KRT16: variants seen among roughly 807,000 people sequenced by gnomAD.
KRT16 encodes the protein keratin, type I cytoskeletal 16.
Under a neutral mutation model 44.8 loss-of-function variants are expected in KRT16, and 42 were observed. The observed-to-expected ratio is 0.94, with a 90% CI of 0.73 to 1.21. KRT16 has a LOEUF of 1.21. Ranked by LOEUF, KRT16 falls within the 50% of genes most tolerant of loss-of-function variation. The probability of loss-of-function intolerance (pLI) is 0.00; values close to 1 mark genes in which losing one functional copy is unlikely to be tolerated. For synonymous variants in KRT16, 226 were observed against 260.4 expected, an observed-to-expected ratio of 0.87 and a Z score of 1.27; for missense variants, 561 against 626.9, an observed-to-expected ratio of 0.89 and a Z score of 1.12.
Position 41,612,563 on chromosome 17 carries a change from G to A in KRT16, c.126C>T (p.Ala42=). Residue 42 remains alanine, a synonymous_variant, in exon 1 of 8, where the codon GCC becomes GCT. Coordinates refer to ENST00000301653, the MANE Select transcript of KRT16 (RefSeq NM_005557.4). ...SSVLAGGSCR[A]PSTYGGGLSV... Reference sequence around the variant, plus strand: ...ACAGGCCGCCCCCGTAGGTGCTGGGGGCACGGCAGGACCCTCCGGCCAGGA... The same window carrying A: ...ACAGGCCGCCCCCGTAGGTGCTGGGAGCACGGCAGGACCCTCCGGCCAGGA... 2 of 1,595,058 alleles carry A rather than the reference G, an allele frequency of 1.3e-6. No homozygotes were observed. The highest frequency in any genetic ancestry group is 1.7e-6 in the Non-Finnish European group (2 of 1,171,244).
chr17:41,610,525 C>T lies in KRT16; in HGVS notation c.1086G>A (p.Glu362=), dbSNP rs759285850. The T allele has an allele frequency of 1.1e-4, 182 of 1,611,958 alleles. No homozygotes were observed. The highest frequency in any genetic ancestry group is 4.3e-4 in the South Asian group (39 of 90,990). Residue 362 remains glutamate (E), a synonymous_variant, in exon 6 of 8, where the codon GAG becomes GAA. Transcript: ENST00000301653. The stretch of plus-strand genomic sequence containing the variant: ...GCATGCAGTAGCGGCCTTTGGTCTC[C>T]TCCAGGCTGTTCTCCAGGGATGCTT... ...SMKASLENSL[E]ETKGRYCMQL... is the part of the protein sequence containing the mutation.
In KRT16 at chr17:41,610,510, G is replaced by C; in HGVS notation, c.1101C>G (p.Arg367=). The change falls in exon 6 of 8, where the codon CGC becomes CGG. Residue 367 remains arginine, a synonymous_variant. Transcript: ENST00000301653. The part of the protein sequence containing the change: ...LENSLEETKG[R]YCMQLSQIQG... The stretch of plus-strand genomic sequence containing the variant: ...GGATCTGGGACAGCTGCATGCAGTA[G>C]CGGCCTTTGGTCTCCTCCAGGCTGT... 3.1e-6 allele frequency: 5 copies of C among 1,612,108 alleles called. No individual in the cohort carries two copies. The highest frequency in any genetic ancestry group is 4.2e-6 in the Non-Finnish European group (5 of 1,179,870).
chr17:41,610,559 T>C lies in KRT16; in HGVS notation c.1060-8A>G. 1 of 1,611,878 alleles carries C rather than the reference T, an allele frequency of 6.2e-7. No homozygotes were observed. The highest frequency in any genetic ancestry group is 8.5e-7 in the Non-Finnish European group (1 of 1,179,774). On this transcript the variant is annotated splice_polypyrimidine_tract_variant and splice_region_variant and intron_variant, in intron 5 of 7. Transcript: ENST00000301653. ...GTTCTCCAGGGATGCTTTCTGCAAG[T>C]GAGAGAGAGAAAAAGAGTCCATGGA... is the stretch of plus-strand genomic sequence containing the variant.
In KRT16 at chr17:41,611,655, C is replaced by A. The variant is rs756434975; in HGVS notation, c.598G>T (p.Asp200Tyr). The change falls in exon 2 of 8, where the codon GAT becomes TAT. Residue 200 changes from aspartate to tyrosine, a missense_variant. By Grantham distance (160) the Asp-to-Tyr change is radical. Transcript: ENST00000301653. ...LQIDNARLAADDFRTKYEHEL... is the reference protein window; with the variant it reads ...LQIDNARLAAYDFRTKYEHEL... ...GCTGCTCACTTGGTCCTGAAGTCAT[C>A]GGCTGCCAGCCTGGCATTGTCAATC... The A allele has an allele frequency of 4.3e-6, 7 of 1,611,300 alleles. No homozygotes were observed. The East Asian group carries it at 1.6e-4, about 36-fold the overall frequency.
At chr17:41,611,272 T>C in intron 3 of KRT16, 42 bp from the exon 4 acceptor site, 1 of 1,613,896 alleles carries the variant, frequency 6.2e-7, no homozygotes. Flanking sequence ...AGCAGACTTC[T>C]CTCCTGGCCC....
chr17:41,611,283 T>A (rs1423908082), intron 3 of KRT16, 53 bp from the exon 4 acceptor site: 12 of 1,613,796 alleles, frequency 7.4e-6, no homozygotes, highest in Non-Finnish European at 1.0e-5. Flanking sequence ...CTCCTGGCCC[T>A]GGGTGCATCT....
chr17:41,609,938 G>A lies in KRT16; in HGVS notation c.1419C>T (p.Ser473=). The A allele has an allele frequency of 6.2e-7, 1 of 1,611,662 alleles. No homozygotes were observed. The change falls in exon 8 of 8, where the codon TCC becomes TCT. Residue 473 remains serine (S), a synonymous_variant. Transcript: ENST00000301653. The part of the protein sequence containing the change: ...SSSSFSQGQS[S] ...CTGTGGTAGAGGCAGCTCAGTTCTA[G>A]GAGCTCTGGCCCTGGCTGAAGCTGG...
In KRT16 at chr17:41,610,902, C is replaced by T. The variant is rs777606459; in HGVS notation, c.1011G>A (p.Arg337=). 3.7e-6 allele frequency: 6 copies of T among 1,614,158 alleles called. No homozygotes were observed. The African/African-American group carries it at 8.0e-5, about 22-fold the overall frequency. Residue 337 remains arginine, a synonymous_variant, in exon 5 of 8, where the codon CGG becomes CGA. Transcript: ENST00000301653. The part of the protein sequence containing the change: ...QSSRSEVTEL[R]RVLQGLEIEL... ...CAATCTCCAGGCCCTGGAGCACCCT[C>T]CGGAGCTCCGTCACCTCACTGCGGC...
chr17:41,611,451 C>T lies in KRT16; in HGVS notation c.665G>A (p.Gly222Asp). Residue 222 changes from glycine to aspartate, a missense_variant, in exon 3 of 8, where the codon GGC becomes GAC. Transcript: ENST00000301653. The stretch of plus-strand genomic sequence containing the variant: ...CAGCTCATCCAACACCCGGCGCAGG[C>T]CATTGACGTCGGCCTCCACAGTCTG... ...LRQTVEADVNGLRRVLDELTL... is the reference protein window; with the variant it reads ...LRQTVEADVNDLRRVLDELTL... The T allele has an allele frequency of 1.2e-6, 2 of 1,614,192 alleles. No homozygotes were observed. The highest frequency in any genetic ancestry group is 1.7e-6 in the Non-Finnish European group (2 of 1,180,042).
chr17:41,610,579 C>T (rs749633528), intron 5 of KRT16, 28 bp from the exon 6 acceptor site: 1 of 1,610,740 alleles, frequency 6.2e-7, no homozygotes, highest in Non-Finnish European at 8.5e-7. Flanking sequence ...AAAAAGAGTC[C>T]ATGGAGGTGG....
Position 41,610,868 on chromosome 17 carries a change from A to T in KRT16, c.1045T>A (p.Ser349Thr). Reference protein sequence around the residue: ...VLQGLEIELQSQLSMKASLEN... With the variant: ...VLQGLEIELQTQLSMKASLEN... The stretch of plus-strand genomic sequence containing the variant: ...GTCCTTCATACCATGCTGAGCTGGG[A>T]CTGCAGCTCAATCTCCAGGCCCTGG... The change falls in exon 5 of 8, where the codon TCC becomes ACC. Residue 349 changes from serine to threonine, a missense_variant. By Grantham distance (58) the Ser-to-Thr change is moderately conservative. Coordinates refer to ENST00000301653, the MANE Select transcript of KRT16 (RefSeq NM_005557.4). The T allele has an allele frequency of 6.2e-7, 1 of 1,613,920 alleles. No homozygotes were observed. The highest frequency in any genetic ancestry group is 2.2e-5 in the East Asian group (1 of 44,876).
chr17:41,610,488 T>C lies in KRT16; in HGVS notation c.1123A>G (p.Ile375Val). The C allele has an allele frequency of 6.2e-7, 1 of 1,612,166 alleles. No individual in the cohort carries two copies. The highest frequency in any genetic ancestry group is 8.5e-7 in the Non-Finnish European group (1 of 1,179,880). ...KGRYCMQLSQ[I>V]QGLIGSVEEQ... is the part of the protein sequence containing the mutation. ...TCCACACTGCCAATCAGTCCCTGGA[T>C]CTGGGACAGCTGCATGCAGTAGCGG... Residue 375 changes from isoleucine to valine, a missense_variant, in exon 6 of 8, where the codon ATC becomes GTC. Ile to Val is a conservative substitution (Grantham distance 29). Coordinates refer to ENST00000301653, the MANE Select transcript of KRT16 (RefSeq NM_005557.4).
chr17:41,611,531 T>G (rs747700643), intron 2 of KRT16, 30 bp from the exon 3 acceptor site: 12 of 1,612,302 alleles, frequency 7.4e-6, no homozygotes, highest in Admixed American at 1.7e-5. Context: ...GTCCTCAGGC[T>G]GCAGCCCTGA....
At position 41,611,445 on chromosome 17, in the gene KRT16, C is replaced by T. The variant is rs372759162; in HGVS notation, c.671G>A (p.Arg224His). ...QTVEADVNGL[R>H]RVLDELTLAR... ...CAGGGTCAGCTCATCCAACACCCGGCGCAGGCCATTGACGTCGGCCTCCAC... is the reference window on the plus strand; with the variant it reads ...CAGGGTCAGCTCATCCAACACCCGGTGCAGGCCATTGACGTCGGCCTCCAC... The change falls in exon 3 of 8, where the codon CGC (arginine) becomes CAC (histidine). Residue 224 changes from arginine (R) to histidine (H), a missense_variant. By Grantham distance (29) the Arg-to-His change is conservative. Coordinates refer to ENST00000301653, the MANE Select transcript of KRT16 (RefSeq NM_005557.4). 1.3e-5 allele frequency: 21 copies of T among 1,614,064 alleles called. No individual in the cohort carries two copies. Among genetic ancestry groups the T allele is most frequent in the Admixed American group, 5.0e-5 (3 of 60,010 alleles).
At chr17:41,610,660 A>G in intron 5 of KRT16, 109 bp from the exon 6 acceptor site, 1 of 1,479,604 alleles carries the variant, frequency 6.8e-7, no homozygotes, top group African/African-American at 1.4e-5. Context: ...CAGTTGGGGT[A>G]CTGATGGGCC....
At chr17:41,612,125 T>C in intron 1 of KRT16, 33 bp downstream of exon 1, 1 of 1,611,014 alleles carries the variant, frequency 6.2e-7, no homozygotes, top group Non-Finnish European at 8.5e-7. Flanking sequence ...AGCCCCAGCC[T>C]CTCTCAGTGC....
Position 41,612,547 on chromosome 17 carries a change from C to G in KRT16, c.142G>C (p.Gly48Arg). 2 of 1,595,076 alleles carry G rather than the reference C, an allele frequency of 1.3e-6. No homozygotes were observed. Among genetic ancestry groups the G allele is most frequent in the Non-Finnish European group, 1.7e-6 (2 of 1,171,170 alleles). ...AAGCGAGAGGAGACAGACAGGCCGCCCCCGTAGGTGCTGGGGGCACGGCAG... is the reference window on the plus strand; with the variant it reads ...AAGCGAGAGGAGACAGACAGGCCGCGCCCGTAGGTGCTGGGGGCACGGCAG... ...GSCRAPSTYG[G>R]GLSVSSRFSS... is the part of the protein sequence containing the mutation. Residue 48 changes from glycine to arginine, a missense_variant, in exon 1 of 8, where the codon GGC becomes CGC. Coordinates refer to ENST00000301653, the MANE Select transcript of KRT16 (RefSeq NM_005557.4).
intron 1 of KRT16, 49 bp downstream of exon 1, chr17:41,612,109 C>T: frequency 2.5e-6 from 4 of 1,605,914 alleles, no homozygotes; most frequent in Non-Finnish European, 3.4e-6. Context: ...TCCCAAGGGC[C>T]ACTGTAGCCC....
In KRT16 at chr17:41,611,516, G is replaced by T. The variant is rs746207767; in HGVS notation, c.615-15C>A. 1.2e-6 allele frequency: 2 copies of T among 1,613,170 alleles called. No homozygotes were observed. The highest frequency in any genetic ancestry group is 1.7e-6 in the Non-Finnish European group (2 of 1,179,958). On this transcript the variant is annotated splice_polypyrimidine_tract_variant and intron_variant, in intron 2 of 7. Transcript: ENST00000301653. The stretch of plus-strand genomic sequence containing the variant: ...CATGCTCATACCTGGCAGGACAGAG[G>T]TCAGGTCCTCAGGCTGCAGCCCTGA...
Sources: allele counts gnomAD v4.1 joint callset, GRCh38; gene constraint gnomAD v4.1.1; transcripts MANE v1.5; gene names NCBI Gene and HGNC (gene_info 2026-07-23, HGNC 2026-07-21).